Variants in CPA6 observed in about 807,000 individuals in gnomAD.
CPA6 encodes carboxypeptidase B.
Under a neutral mutation model 63.3 loss-of-function variants are expected in CPA6, and 58 were observed. The observed-to-expected ratio is 0.92, with a 90% confidence interval of 0.74 to 1.14. CPA6 has a LOEUF of 1.14. Among genes scored for constraint, CPA6 ranks in the 50% most tolerant of loss-of-function variants. The probability of loss-of-function intolerance (pLI) is 0.00; values close to 1 mark genes in which losing one functional copy is unlikely to be tolerated. For missense variants in CPA6, 565 were observed against 526.6 expected (o/e 1.07, Z -0.71); for synonymous variants, 185 against 179.0 (o/e 1.03, Z -0.27).
At chr8:67,576,866 C>CTT (rs34550495) in intron 2 of CPA6, among the ~76,000 whole-genome samples, 133 of 142,034 alleles carry the variant, frequency 9.4e-4, no homozygotes, top group Middle Eastern at 7.4e-3. Context: ...GTCTTAGAAA[C>CTT]TTTTTTTTTT....
intron 1 of CPA6, among the ~76,000 whole-genome samples, chr8:67,644,193 A>C (rs955087340): frequency 9.3e-5 from 14 of 150,432 alleles, no homozygotes; most frequent in African/African-American, 2.9e-4. Flanking sequence ...ATTTCGGCTC[A>C]CTGCAAGCTC....
chr8:67,444,927 T>C (rs1490245227), intron 8 of CPA6, among the ~76,000 whole-genome samples: 1 of 152,208 alleles, frequency 6.6e-6, no homozygotes, highest in African/African-American at 2.4e-5. Flanking sequence ...AAGATACTGA[T>C]GTCAGAGAAT....
At chr8:67,620,295 T>C (rs1000319225) in intron 2 of CPA6, among the ~76,000 whole-genome samples, 1 of 152,208 alleles carries the variant, frequency 6.6e-6, no homozygotes, top group Non-Finnish European at 1.5e-5. Flanking sequence ...GTCTGCCCTA[T>C]GTCATTTCCC....
chr8:67,529,430 A>G (rs1188235092), intron 2 of CPA6, among the ~76,000 whole-genome samples: 1 of 152,206 alleles, frequency 6.6e-6, no homozygotes, highest in Non-Finnish European at 1.5e-5. Flanking sequence ...AGGAATCAGT[A>G]CCACTGAGGA....
At chr8:67,500,021 A>G (rs1037837357) in intron 6 of CPA6, among the ~76,000 whole-genome samples, 2 of 152,138 alleles carry the variant, frequency 1.3e-5, no homozygotes, top group Non-Finnish European at 2.9e-5. Flanking sequence ...CAGGAGTGCA[A>G]TTACTGGGTC....
intron 6 of CPA6, among the ~76,000 whole-genome samples, chr8:67,503,482 T>C (rs1028333336): frequency 6.7e-6 from 1 of 149,852 alleles, no homozygotes; most frequent in African/African-American, 2.5e-5. Context: ...TTTTTTTTTT[T>C]TTTTTTGTAG....
chr8:67,582,373 G>A (rs1429610905), intron 2 of CPA6, among the ~76,000 whole-genome samples: 1 of 152,154 alleles, frequency 6.6e-6, no homozygotes, highest in Non-Finnish European at 1.5e-5. Flanking sequence ...GGATAATGCC[G>A]ATGTTTCAGG....
At chr8:67,725,944 A>AT (rs1249836590) in intron 1 of CPA6, among the ~76,000 whole-genome samples, 2 of 152,068 alleles carry the variant, frequency 1.3e-5, no homozygotes, top group African/African-American at 2.4e-5. Context: ...TTTGAAGATA[A>AT]TTTTTTTTCT....
intron 1 of CPA6, among the ~76,000 whole-genome samples, chr8:67,673,200 C>CT (rs1001399305): frequency 2.0e-5 from 3 of 151,966 alleles, no homozygotes; most frequent in African/African-American, 7.3e-5. Context: ...CCTCTCTTCT[C>CT]TGACTGTATT....
intron 2 of CPA6, among the ~76,000 whole-genome samples, chr8:67,551,503 G>T (rs1391272461): frequency 6.6e-6 from 1 of 152,080 alleles, no homozygotes; most frequent in African/African-American, 2.4e-5. Flanking sequence ...AGGTTATTCA[G>T]GCTCTTTTAT....
intron 1 of CPA6, among the ~76,000 whole-genome samples, chr8:67,744,684 C>T (rs945315250): frequency 1.3e-5 from 2 of 152,198 alleles, no homozygotes; most frequent in African/African-American, 4.8e-5. Flanking sequence ...CCTGCACCAT[C>T]AGTCTTTAAA....
At position 67,634,220 on chromosome 8, in the gene CPA6, T is replaced by C. The variant is rs982712885; in HGVS notation, c.117-9969A>G. Among the ~76,000 whole-genome samples, 63 of 140,194 alleles carry C rather than the reference T, an allele frequency of 4.5e-4. 2 individuals carry two copies. The highest frequency in any genetic ancestry group is 1.7e-3 in the African/African-American group (63 of 36,240). The allele number at this position is 140,194 out of a possible 152,430, so 92.0% of individuals were successfully genotyped here. A position where few individuals can be genotyped will look rare whatever the true frequency, so the allele number is the denominator to read the frequency against. On this transcript the variant is annotated intron_variant, in intron 1 of 10. Transcript: ENST00000297770. ...ATTATTATTATTATTATTATTATTATTTATTTGTTTTTTTTTTGAGACGGA... is the reference window on the plus strand; with the variant it reads ...ATTATTATTATTATTATTATTATTACTTATTTGTTTTTTTTTTGAGACGGA...
chr8:67,712,712 T>G (rs1817288166), intron 1 of CPA6, among the ~76,000 whole-genome samples: 1 of 152,148 alleles, frequency 6.6e-6, no homozygotes, highest in Admixed American at 6.5e-5. Flanking sequence ...ACCGAATTTT[T>G]CAATAGCCAT....
chr8:67,562,319 G>C (rs1299542623), intron 2 of CPA6, among the ~76,000 whole-genome samples: 5 of 152,080 alleles, frequency 3.3e-5, no homozygotes, highest in Admixed American at 3.3e-4. Context: ...TCCCTTCACA[G>C]TGTACTTGGG....
intron 3 of CPA6, 64 bp downstream of exon 3, chr8:67,517,859 A>G: frequency 6.8e-7 from 1 of 1,460,606 alleles, no homozygotes; most frequent in Non-Finnish European, 9.2e-7. Flanking sequence ...TAACCTAAAT[A>G]CAACTACCAT....
At chr8:67,560,305 C>T (rs1171600354) in intron 2 of CPA6, among the ~76,000 whole-genome samples, 1 of 152,068 alleles carries the variant, frequency 6.6e-6, no homozygotes, top group African/African-American at 2.4e-5. Flanking sequence ...TCATTTATGA[C>T]ACAGGGCATT....
At chr8:67,734,358 A>G (rs1006444021) in intron 1 of CPA6, among the ~76,000 whole-genome samples, 2 of 152,022 alleles carry the variant, frequency 1.3e-5, no homozygotes, top group Non-Finnish European at 2.9e-5. Flanking sequence ...AAAAAAAAAA[A>G]AAAGAAAACC....
At chr8:67,485,366 T>A (rs566573207) in intron 6 of CPA6, among the ~76,000 whole-genome samples, 71 of 152,300 alleles carry the variant, frequency 4.7e-4, no homozygotes, top group African/African-American at 1.6e-3. Context: ...TCCACCAAGG[T>A]AATCCCTATC....
At chr8:67,742,694 G>T (rs1428797550) in intron 1 of CPA6, among the ~76,000 whole-genome samples, 4 of 152,174 alleles carry the variant, frequency 2.6e-5, no homozygotes. Context: ...TACCTCCATT[G>T]TCCAAGATAA....
Sources: gnomAD v4.1 joint callset for allele counts (sites outside exome capture counted in the v4.1 genomes callset) on GRCh38, gnomAD v4.1.1 for gene constraint, MANE v1.5 for transcripts, NCBI Gene and HGNC (gene_info 2026-07-23, HGNC 2026-07-21) for gene names.